GRID1: variants seen among roughly 807,000 people sequenced by gnomAD.
GRID1 encodes glutamate ionotropic receptor delta type subunit 1, also known as glutamate receptor ionotropic, delta-1.
Under a neutral mutation model 98.0 loss-of-function variants are expected in GRID1, and 28 were observed. The observed-to-expected ratio is 0.29, with a 90% CI of 0.21 to 0.39. GRID1 has a LOEUF of 0.39. GRID1 is among the 10% of genes least tolerant of loss of function. GRID1 has a pLI of 1.00. For synonymous variants in GRID1, 553 were observed against 538.5 expected, an observed-to-expected ratio of 1.03 and a Z score of -0.37; for missense variants, 1,111 against 1,340.5, an observed-to-expected ratio of 0.83 and a Z score of 2.67.
At chr10:86,177,160 T>G (rs1041187325) in intron 3 of GRID1, among the ~76,000 whole-genome samples, 3 of 151,468 alleles carry the variant, frequency 2.0e-5, no homozygotes, top group African/African-American at 7.3e-5. Context: ...GAACAAGCAC[T>G]TCCAAACAGC....
At chr10:85,913,795 A>T (rs1841573308) in intron 5 of GRID1, among the ~76,000 whole-genome samples, 1 of 152,204 alleles carries the variant, frequency 6.6e-6, no homozygotes, top group South Asian at 2.1e-4. Flanking sequence ...AGTCTCAAAA[A>T]ATAAAAAATA....
Position 86,267,387 on chromosome 10 carries a change from G to A in GRID1, c.236-60739C>T, listed in dbSNP as rs190911411. Among the ~76,000 whole-genome samples the A allele has an allele frequency of 4.2e-3, 641 of 152,310 alleles. 1 individual carries two copies. Among genetic ancestry groups the A allele is most frequent in the Middle Eastern group, 6.8e-3 (2 of 294 alleles). On this transcript the variant is annotated intron_variant, in intron 2 of 15. Coordinates refer to ENST00000327946, the MANE Select transcript of GRID1 (RefSeq NM_017551.3). ...GGTGATGGCAGCTCAACCCAGCCCC[G>A]CCCTGGGGCTGCTGAGTGCCCATCT...
intron 12 of GRID1, among the ~76,000 whole-genome samples, chr10:85,649,561 A>G (rs1254945680): frequency 6.6e-6 from 1 of 152,096 alleles, no homozygotes; most frequent in African/African-American, 2.4e-5. Context: ...ATGAATGAGA[A>G]ACATCAGGAT....
chr10:85,666,815 C>T lies in GRID1; in HGVS notation c.1998-19418G>A, dbSNP rs116994823. On this transcript the variant is annotated intron_variant, in intron 12 of 15. Coordinates refer to ENST00000327946, the MANE Select transcript of GRID1 (RefSeq NM_017551.3). Reference sequence around the variant, plus strand: ...TTGTTCTGCCTACCCAAGCTGGCTCCTCCCCCATACAGCTCACATCAGGTG... The same window carrying T: ...TTGTTCTGCCTACCCAAGCTGGCTCTTCCCCCATACAGCTCACATCAGGTG... Among the ~76,000 whole-genome samples, 114 of 152,270 alleles carry T rather than the reference C, an allele frequency of 7.5e-4. 1 individual carries two copies. The East Asian group carries it at 0.021, about 29-fold the overall frequency.
intron 12 of GRID1, among the ~76,000 whole-genome samples, chr10:85,703,120 C>A (rs958136393): frequency 2.6e-5 from 4 of 151,832 alleles, no homozygotes; most frequent in Non-Finnish European, 5.9e-5. Flanking sequence ...GGCAATCGAG[C>A]AAATTCTAAA....
chr10:85,631,892 A>G (rs1007438797), intron 13 of GRID1, among the ~76,000 whole-genome samples: 3 of 152,218 alleles, frequency 2.0e-5, no homozygotes, highest in African/African-American at 7.2e-5. Flanking sequence ...AATTCAGGTT[A>G]CACAGATGAC....
chr10:85,885,750 G>A (rs187489858), intron 5 of GRID1, among the ~76,000 whole-genome samples: 182 of 152,262 alleles, frequency 1.2e-3, no homozygotes, highest in African/African-American at 2.8e-3. Flanking sequence ...GTGTTACTTC[G>A]TCACCTGCAC....
At chr10:85,666,139 T>C (rs80022336) in intron 12 of GRID1, among the ~76,000 whole-genome samples, 2,383 of 152,332 alleles carry the variant, frequency 0.016, 65 homozygotes, top group African/African-American at 0.053. Context: ...TAATATGAAA[T>C]GAATATTTAT....
chr10:86,086,817 A>G (rs1844065945), intron 4 of GRID1, among the ~76,000 whole-genome samples: 1 of 152,170 alleles, frequency 6.6e-6, no homozygotes, highest in Non-Finnish European at 1.5e-5. Flanking sequence ...GCTCCTGAAC[A>G]TGACTTCACT....
At chr10:86,230,863 G>A (rs557819215) in intron 2 of GRID1, among the ~76,000 whole-genome samples, 1 of 152,146 alleles carries the variant, frequency 6.6e-6, no homozygotes, top group Non-Finnish European at 1.5e-5. Context: ...CCCACCCAGG[G>A]CTGGCAGATG....
chr10:85,876,130 C>G (rs1843328854), intron 5 of GRID1, among the ~76,000 whole-genome samples: 1 of 152,218 alleles, frequency 6.6e-6, no homozygotes, highest in Non-Finnish European at 1.5e-5. Flanking sequence ...AAGTTTCCCA[C>G]AGCTGCATTA....
chr10:85,626,588 T>C (rs2132529785), intron 13 of GRID1, among the ~76,000 whole-genome samples: 1 of 152,350 alleles, frequency 6.6e-6, no homozygotes, highest in South Asian at 2.1e-4. Context: ...CTCATGTACA[T>C]TCACCATCCA....
intron 8 of GRID1, among the ~76,000 whole-genome samples, chr10:85,788,475 T>A (rs1842450197): frequency 6.6e-6 from 1 of 152,228 alleles, no homozygotes; most frequent in South Asian, 2.1e-4. Context: ...GTCTTATCTG[T>A]AACATCAACC....
intron 8 of GRID1, among the ~76,000 whole-genome samples, chr10:85,734,906 C>T (rs889548537): frequency 2.6e-5 from 4 of 152,150 alleles, no homozygotes; most frequent in Non-Finnish European, 5.9e-5. Context: ...GATCACCAGC[C>T]TTGTAGTCAC....
chr10:86,333,038 C>T (rs1460710526), intron 2 of GRID1, among the ~76,000 whole-genome samples: 1 of 152,198 alleles, frequency 6.6e-6, no homozygotes, highest in Middle Eastern at 3.2e-3. Flanking sequence ...TCTCTGCTAT[C>T]AGTATGAGGT....
At chr10:85,633,039 T>C (rs1842993516) in intron 13 of GRID1, among the ~76,000 whole-genome samples, 2 of 152,216 alleles carry the variant, frequency 1.3e-5, no homozygotes, top group Admixed American at 6.5e-5. Flanking sequence ...TCCGTGTCCC[T>C]GAAAAGGACA....
intron 2 of GRID1, among the ~76,000 whole-genome samples, chr10:86,353,856 G>A (rs1486369134): frequency 6.6e-6 from 1 of 152,236 alleles, no homozygotes; most frequent in African/African-American, 2.4e-5. Flanking sequence ...GCCATGGCAG[G>A]GAAGGAGTTA....
At chr10:86,074,396 C>G (rs1305446443) in intron 4 of GRID1, among the ~76,000 whole-genome samples, 2 of 152,148 alleles carry the variant, frequency 1.3e-5, no homozygotes, top group African/African-American at 4.8e-5. Context: ...TTTTCATTCC[C>G]ACATATAAAT....
Position 85,613,623 on chromosome 10 carries a change from C to T in GRID1, c.2385G>A (p.Gly795=), listed in dbSNP as rs763627135. 3.1e-6 allele frequency: 5 copies of T among 1,613,848 alleles called. No individual in the cohort carries two copies. The highest frequency in any genetic ancestry group is 1.6e-4 in the Middle Eastern group (1 of 6,082). The change falls in exon 15 of 16, where the codon GGG becomes GGA. Residue 795 remains glycine, a synonymous_variant. Coordinates refer to ENST00000327946, the MANE Select transcript of GRID1 (RefSeq NM_017551.3). ...ACTTCTGCTTCAGCACATCCAGGTC[C>T]CCTGTGTCCTGCAGCTCCAGGATCC... ...SQRILELQDT[G]DLDVLKQKWW...
Sources: gnomAD v4.1 joint callset for allele counts (sites outside exome capture counted in the v4.1 genomes callset) on GRCh38, gnomAD v4.1.1 for gene constraint, MANE v1.5 for transcripts, NCBI Gene and HGNC (gene_info 2026-07-23, HGNC 2026-07-21) for gene names.